Variants in COMMD7 observed in about 807,000 individuals in gnomAD.
COMMD7 encodes COMM domain containing 7, also known as COMM domain-containing protein 7.
Under a neutral mutation model 34.8 loss-of-function variants are expected in COMMD7, and 28 were observed. That is an observed-to-expected ratio of 0.80 (90% CI 0.60 to 1.10). The LOEUF (loss-of-function observed/expected upper bound fraction) is 1.10. Ranked by LOEUF, COMMD7 falls within the 50% of genes least tolerant of loss-of-function variation. The pLI, the probability that COMMD7 is intolerant of heterozygous loss-of-function variation, is 0.00. For missense variants in COMMD7, 211 were observed against 241.6 expected (o/e 0.87, Z 0.84); for synonymous variants, 80 against 86.4 (o/e 0.93, Z 0.41).
At chr20:32,710,728 CAAAA>C (rs34067876) in intron 3 of COMMD7, among the ~76,000 whole-genome samples, 6 of 94,588 alleles carry the variant, frequency 6.3e-5, no homozygotes, top group African/African-American at 8.1e-5. Flanking sequence ...GACCTCATCT[CAAAA>C]AAAAAAAAAA....
At chr20:32,731,871 C>T (rs1337001589) in intron 1 of COMMD7, among the ~76,000 whole-genome samples, 1 of 152,174 alleles carries the variant, frequency 6.6e-6, no homozygotes, top group Non-Finnish European at 1.5e-5. Context: ...CCCCAGTAAA[C>T]TTAGGAAGAG....
intron 8 of COMMD7, 151 bp from the exon 9 acceptor site, chr20:32,703,609 TGA>T (rs1245398271): frequency 2.2e-5 from 32 of 1,441,470 alleles, no homozygotes; most frequent in Non-Finnish European, 2.8e-5. Context: ...AATAAAGAAC[TGA>T]GAGACTTGAA....
At chr20:32,720,292 C>T (rs1204898232) in intron 3 of COMMD7, among the ~76,000 whole-genome samples, 5 of 152,080 alleles carry the variant, frequency 3.3e-5, no homozygotes, top group East Asian at 1.9e-4. Flanking sequence ...ATCAGGAGTT[C>T]GAGACCAGCC....
intron 1 of COMMD7, among the ~76,000 whole-genome samples, chr20:32,741,916 A>C (rs1344135248): frequency 6.6e-5 from 10 of 152,042 alleles, no homozygotes; most frequent in Admixed American, 6.6e-4. Flanking sequence ...GGCTGGGCAC[A>C]GTGGCTCACG....
chr20:32,733,039 C>T (rs1275350366), intron 1 of COMMD7, among the ~76,000 whole-genome samples: 1 of 151,236 alleles, frequency 6.6e-6, no homozygotes, highest in East Asian at 2.0e-4. Context: ...AGTTTGAGAT[C>T]AGCCTGGCCA....
At chr20:32,734,371 G>C (rs1306415106) in intron 1 of COMMD7, among the ~76,000 whole-genome samples, 4 of 151,056 alleles carry the variant, frequency 2.6e-5, no homozygotes, top group Non-Finnish European at 1.5e-5. Flanking sequence ...TACTCGGGAG[G>C]CTGAGGCAGA....
intron 3 of COMMD7, among the ~76,000 whole-genome samples, chr20:32,712,281 A>G (rs1258699165): frequency 6.7e-6 from 1 of 149,720 alleles, no homozygotes; most frequent in African/African-American, 2.5e-5. Flanking sequence ...AAAAAAAAAA[A>G]AAAAAAAAAA....
rs373129811 is a variant in COMMD7, at chr20:32,727,330, T to A, written c.241+563A>T. 3.3e-4 allele frequency among the ~76,000 whole-genome samples: 50 copies of A among 151,946 alleles called. No individual in the cohort carries two copies. In the East Asian group the frequency reaches 8.7e-3, roughly 26 times the overall value. On this transcript the variant is annotated intron_variant, in intron 3 of 8. Coordinates refer to ENST00000278980, the MANE Select transcript of COMMD7 (RefSeq NM_053041.3). ...ATGGGAGGCTGAGGCAGACAGATCA[T>A]GAGGTCAAGGGATCATGACCATCTT...
intron 1 of COMMD7, among the ~76,000 whole-genome samples, chr20:32,732,709 G>A (rs1985908888): frequency 6.6e-6 from 1 of 151,004 alleles, no homozygotes; most frequent in Non-Finnish European, 1.5e-5. Flanking sequence ...GGTGGATCAC[G>A]AGGTCATGAG....
chr20:32,737,602 G>A (rs1986208888), intron 1 of COMMD7, among the ~76,000 whole-genome samples: 1 of 133,528 alleles, frequency 7.5e-6, no homozygotes, highest in East Asian at 2.1e-4. Flanking sequence ...GCTGAGGTGG[G>A]AGGATCCCTT....
intron 3 of COMMD7, among the ~76,000 whole-genome samples, chr20:32,706,998 G>C (rs981111000): frequency 2.0e-5 from 3 of 151,256 alleles, no homozygotes; most frequent in Non-Finnish European, 4.4e-5. Context: ...TTTTTGCCGG[G>C]CACGGTAGCT....
At chr20:32,720,217 G>A (rs533427922) in intron 3 of COMMD7, among the ~76,000 whole-genome samples, 21 of 152,062 alleles carry the variant, frequency 1.4e-4, no homozygotes, top group Non-Finnish European at 1.9e-4. Context: ...GCTATACGCC[G>A]GGCACAGTGG....
chr20:32,715,843 A>T (rs1035134527), intron 3 of COMMD7, among the ~76,000 whole-genome samples: 4 of 152,314 alleles, frequency 2.6e-5, no homozygotes, highest in East Asian at 3.9e-4. Context: ...ATAAATTAAT[A>T]AATTAATTAA....
intron 1 of COMMD7, among the ~76,000 whole-genome samples, chr20:32,729,474 TG>T (rs1985714021): frequency 6.6e-6 from 1 of 151,864 alleles, no homozygotes; most frequent in Admixed American, 6.6e-5. Flanking sequence ...AGCCTAGGGC[TG>T]GGGCCCTTAT....
intron 1 of COMMD7, 130 bp downstream of exon 1, chr20:32,743,178 A>G: frequency 1.3e-6 from 1 of 745,924 alleles, no homozygotes; most frequent in Non-Finnish European, 2.0e-6. Flanking sequence ...CACACACCCC[A>G]AACGCCCACA....
chr20:32,710,632 G>T (rs28695612), intron 3 of COMMD7, among the ~76,000 whole-genome samples: 104,959 of 151,284 alleles, frequency 0.69, 37,085 homozygotes, highest in Middle Eastern at 0.82. Flanking sequence ...AGGAGGCTGA[G>T]GTGGGAGGAT....
chr20:32,715,117 G>A (rs1427885290), intron 3 of COMMD7, among the ~76,000 whole-genome samples: 1 of 151,984 alleles, frequency 6.6e-6, no homozygotes, highest in Admixed American at 6.6e-5. Flanking sequence ...GCAGTAAGCA[G>A]AGATTGTGCC....
At position 32,713,214 on chromosome 20, in the gene COMMD7, A is replaced by AT. The variant is rs879714838; in HGVS notation, c.242-6455dup. On this transcript the variant is annotated intron_variant, in intron 3 of 8. Transcript: ENST00000278980. ...CAGGCATGTGCCACCATGCCTGGCT[A>AT]TTTTTTTTTGTATTTAGTAGAGATG... Among the ~76,000 whole-genome samples the AT allele has an allele frequency of 5.2e-3, 785 of 150,200 alleles. 4 individuals are homozygous for AT. The highest frequency in any genetic ancestry group is 0.017 in the African/African-American group (697 of 40,958).
At chr20:32,736,790 C>T (rs1986148648) in intron 1 of COMMD7, among the ~76,000 whole-genome samples, 1 of 152,162 alleles carries the variant, frequency 6.6e-6, no homozygotes, top group Non-Finnish European at 1.5e-5. Context: ...CCTGTAATCC[C>T]AGCAATTTGG....
Sources: allele counts gnomAD v4.1 joint callset (sites outside exome capture counted in the v4.1 genomes callset), GRCh38; gene constraint gnomAD v4.1.1; transcripts MANE v1.5; gene names NCBI Gene and HGNC (gene_info 2026-07-23, HGNC 2026-07-21).